The following DPF3 variants were observed in gnomAD, a reference collection of about 807,000 sequenced individuals.
The protein encoded by DPF3 is double PHD fingers 3.
A neutral mutation model predicts 56.8 loss-of-function variants in DPF3; 18 were observed. The observed-to-expected ratio is 0.32, with a 90% CI of 0.22 to 0.47. The LOEUF (loss-of-function observed/expected upper bound fraction) is 0.47, where lower values mean the gene tolerates loss of function less well. DPF3 is among the 20% of genes least tolerant of loss of function. The pLI, the probability that DPF3 is intolerant of heterozygous loss-of-function variation, is 1.00. For missense variants in DPF3, 403 were observed against 488.8 expected (o/e 0.82, Z 1.65); for synonymous variants, 188 against 180.2 (o/e 1.04, Z -0.35).
intron 6 of DPF3, among the ~76,000 whole-genome samples, chr14:72,695,717 G>T (rs538567386): frequency 7.8e-4 from 119 of 152,142 alleles, no homozygotes; most frequent in African/African-American, 2.8e-3. Flanking sequence ...GAAGGAAGAG[G>T]GCAAGGCTTG....
chr14:72,846,037 C>G (rs1884736906), intron 1 of DPF3, among the ~76,000 whole-genome samples: 1 of 151,880 alleles, frequency 6.6e-6, no homozygotes, highest in African/African-American at 2.4e-5. Context: ...CACTGCCCAC[C>G]ACCCCTTTAT....
chr14:72,682,613 T>A (rs552603977), intron 7 of DPF3, among the ~76,000 whole-genome samples: 236 of 152,334 alleles, frequency 1.5e-3, no homozygotes, highest in African/African-American at 5.4e-3. Flanking sequence ...ACCACTGAAC[T>A]CTGTCTGCAA....
chr14:72,761,569 T>C (rs1390803433), intron 2 of DPF3, among the ~76,000 whole-genome samples: 1 of 151,978 alleles, frequency 6.6e-6, no homozygotes, highest in Non-Finnish European at 1.5e-5. Flanking sequence ...ATAGTATTTA[T>C]GGGGAAATTA....
At position 72,616,196 on chromosome 14, in the gene DPF3, A is replaced by G. The variant is rs1884080956; in HGVS notation, c.*3101T>C. ...ATGTGAAATGAGGCTCAGAGAGTTG[A>G]AGTCATTGGCCCAAGGTCAGTCAGC... On this transcript the variant is annotated 3_prime_UTR_variant, in exon 11 of 11. Coordinates refer to ENST00000556509, the MANE Select transcript of DPF3 (RefSeq NM_001280542.3). Among the ~76,000 whole-genome samples, 1 of 152,188 alleles carries G rather than the reference A, an allele frequency of 6.6e-6. No homozygotes were observed. The highest frequency in any genetic ancestry group is 2.1e-4 in the South Asian group (1 of 4,834).
intron 8 of DPF3, among the ~76,000 whole-genome samples, chr14:72,671,925 G>C (rs1886693136): frequency 6.6e-6 from 1 of 152,174 alleles, no homozygotes. Flanking sequence ...GCAAAAGGAA[G>C]TTGGAAAGTC....
In DPF3 at chr14:72,617,239, T is replaced by C. The variant is rs1001961060; in HGVS notation, c.*2058A>G. 6.6e-6 allele frequency among the ~76,000 whole-genome samples: 1 copy of C among 152,238 alleles called. No homozygotes were observed. Among genetic ancestry groups the C allele is most frequent in the African/African-American group, 2.4e-5 (1 of 41,460 alleles). On this transcript the variant is annotated 3_prime_UTR_variant, in exon 11 of 11. Coordinates refer to ENST00000556509, the MANE Select transcript of DPF3 (RefSeq NM_001280542.3). Reference sequence around the variant, plus strand: ...CCACAGTTTGGGGTTTCGGACTTGCTTTTTAAACTTTTAAGCTATTGTGGC... The same window carrying C: ...CCACAGTTTGGGGTTTCGGACTTGCCTTTTAAACTTTTAAGCTATTGTGGC...
At chr14:72,821,821 C>T (rs1048016827) in intron 1 of DPF3, among the ~76,000 whole-genome samples, 1 of 148,194 alleles carries the variant, frequency 6.7e-6, no homozygotes, top group African/African-American at 2.5e-5. Context: ...GACTGAGTAA[C>T]ATGGCGAGAG....
At chr14:72,720,538 G>A (rs1889125586) in intron 5 of DPF3, among the ~76,000 whole-genome samples, 1 of 152,178 alleles carries the variant, frequency 6.6e-6, no homozygotes, top group Non-Finnish European at 1.5e-5. Context: ...TGGGCCCAGA[G>A]CCAGTCTAGG....
At chr14:72,667,766 C>T (rs569114668) in intron 8 of DPF3, among the ~76,000 whole-genome samples, 70 of 152,306 alleles carry the variant, frequency 4.6e-4, no homozygotes, top group African/African-American at 8.9e-4. Context: ...CTTTTAATGA[C>T]GTTACCTTTT....
In DPF3 at chr14:72,654,534, C is replaced by G. The variant is rs570854522; in HGVS notation, c.871+19706G>C. ...TTACACAGTGGAGAAGCCTTTAGAG[C>G]CAGAAAAATCCTTGATTGGAAAAAT... is the stretch of plus-strand genomic sequence containing the variant. On this transcript the variant is annotated intron_variant, in intron 8 of 10. Coordinates refer to ENST00000556509, the MANE Select transcript of DPF3 (RefSeq NM_001280542.3). Among the ~76,000 whole-genome samples the G allele has an allele frequency of 2.0e-4, 31 of 152,266 alleles. No homozygotes were observed. The South Asian group carries it at 6.4e-3, about 32-fold the overall frequency.
At chr14:72,714,363 A>G in intron 6 of DPF3, 60 bp downstream of exon 6, 1 of 1,599,024 alleles carries the variant, frequency 6.3e-7, no homozygotes, top group Non-Finnish European at 8.6e-7. Context: ...AGCACAGGGA[A>G]GAGGGGCCCT....
At chr14:72,683,015 C>T (rs949892852) in intron 7 of DPF3, among the ~76,000 whole-genome samples, 2 of 152,194 alleles carry the variant, frequency 1.3e-5, no homozygotes, top group African/African-American at 4.8e-5. Flanking sequence ...TAGTGGTTTA[C>T]CTGGGAACTT....
intron 6 of DPF3, among the ~76,000 whole-genome samples, chr14:72,706,883 A>C (rs980313035): frequency 6.6e-6 from 1 of 151,712 alleles, no homozygotes; most frequent in Admixed American, 6.6e-5. Context: ...TGTGCAGGTT[A>C]GTTACATATG....
intron 3 of DPF3, among the ~76,000 whole-genome samples, chr14:72,737,756 C>A (rs911251422): frequency 6.6e-6 from 1 of 152,158 alleles, no homozygotes; most frequent in Non-Finnish European, 1.5e-5. Context: ...TGGTGAAACA[C>A]CCCGACAAGG....
intron 1 of DPF3, among the ~76,000 whole-genome samples, chr14:72,812,413 G>T (rs79084154): frequency 6.6e-6 from 1 of 152,186 alleles, no homozygotes; most frequent in Non-Finnish European, 1.5e-5. Context: ...TGTGCTAAGC[G>T]TTTTCTGGCA....
At position 72,753,699 on chromosome 14, in the gene DPF3, A is replaced by G. The variant is rs114106693; in HGVS notation, c.194-328T>C. On this transcript the variant is annotated intron_variant, in intron 2 of 10. Coordinates refer to ENST00000556509, the MANE Select transcript of DPF3 (RefSeq NM_001280542.3). ...AAGAAGGACCTTTGCAGTGTCTCCA[A>G]AGCAGTGGATCTCTATCCACTGCCC... Among the ~76,000 whole-genome samples the G allele has an allele frequency of 6.5e-4, 99 of 152,270 alleles. 1 individual carries two copies. Among genetic ancestry groups the G allele is most frequent in the African/African-American group, 2.3e-3 (97 of 41,562 alleles).
At chr14:72,858,353 G>A (rs951707648) in intron 1 of DPF3, among the ~76,000 whole-genome samples, 2 of 149,850 alleles carry the variant, frequency 1.3e-5, no homozygotes, top group African/African-American at 4.9e-5. Flanking sequence ...CCAGGCTTGT[G>A]CACTTACCCA....
At chr14:72,670,861 T>A (rs1014187437) in intron 8 of DPF3, 3 of 1,171,016 alleles carry the variant, frequency 2.6e-6, no homozygotes, top group South Asian at 4.0e-5. Context: ...CCTATTTCTA[T>A]GGAAAATAAA....
At chr14:72,871,342 A>T (rs138995306) in intron 1 of DPF3, among the ~76,000 whole-genome samples, 1 of 152,218 alleles carries the variant, frequency 6.6e-6, no homozygotes, top group Non-Finnish European at 1.5e-5. Flanking sequence ...TCATTTCAGC[A>T]TTAACCCAAA....
Sources: gnomAD v4.1 joint callset for allele counts (sites outside exome capture counted in the v4.1 genomes callset) on GRCh38, gnomAD v4.1.1 for gene constraint, MANE v1.5 for transcripts, NCBI Gene and HGNC (gene_info 2026-07-23, HGNC 2026-07-21) for gene names.